NREP: variants seen among roughly 807,000 people sequenced by gnomAD.
NREP encodes the protein neuronal regeneration-related protein.
In NREP, 5 loss-of-function variants were observed where a neutral mutation model predicts 8.6. The ratio of observed to expected loss-of-function variants is 0.58; its 90% confidence interval spans 0.30 to 1.22. The LOEUF (loss-of-function observed/expected upper bound fraction) is 1.22, where lower values mean the gene tolerates loss of function less well. Ranked by LOEUF, NREP falls within the 50% of genes most tolerant of loss-of-function variation. The probability of loss-of-function intolerance (pLI) is 0.07; values close to 1 mark genes in which losing one functional copy is unlikely to be tolerated. For synonymous variants in NREP, 27 were observed against 28.0 expected (o/e 0.96, Z 0.11); for missense variants, 86 against 82.5 (o/e 1.04, Z -0.17).
At position 111,961,037 on chromosome 5, in the gene NREP, C is replaced by T. The variant is rs1200233398; in HGVS notation, c.135+14237G>A. Among the ~76,000 whole-genome samples, 5 of 152,174 alleles carry T rather than the reference C, an allele frequency of 3.3e-5. No individual in the cohort carries two copies. The East Asian group carries it at 9.6e-4, about 29-fold the overall frequency. ...GGCTTGGTCATATTTTAGATTTCTG[C>T]CCATTGACAAATTACTTTCCACTTC... On this transcript the variant is annotated intron_variant, in intron 2 of 3. Coordinates refer to the NREP transcript ENST00000395634.
chr5:111,768,405 G>A (rs1373864476), intron 2 of NREP, among the ~76,000 whole-genome samples: 4 of 152,164 alleles, frequency 2.6e-5, no homozygotes, highest in African/African-American at 9.7e-5. Flanking sequence ...ACATATGCAT[G>A]TTTGTTACCT....
Position 111,814,829 on chromosome 5 carries a change from G to C in NREP, c.136-79322C>G, listed in dbSNP as rs190273549. On this transcript the variant is annotated intron_variant, in intron 2 of 3. Transcript: ENST00000395634. Reference sequence around the variant, plus strand: ...AGAAACTGGTTGGTCTGGTAGTATTGGAATGCTATTGAATAGTTAGTAGGA... The same window carrying C: ...AGAAACTGGTTGGTCTGGTAGTATTCGAATGCTATTGAATAGTTAGTAGGA... 4.3e-4 allele frequency among the ~76,000 whole-genome samples: 65 copies of C among 152,086 alleles called. 1 individual carries two copies. The Middle Eastern group carries it at 0.02, about 48-fold the overall frequency.
intron 2 of NREP, among the ~76,000 whole-genome samples, chr5:111,866,038 T>G (rs964967707): frequency 2.4e-4 from 37 of 152,216 alleles, no homozygotes; most frequent in Non-Finnish European, 4.7e-4. Context: ...AGCTCTCTTG[T>G]GGCTTTCTCT....
At chr5:111,782,214 T>C (rs1395877709) in intron 2 of NREP, among the ~76,000 whole-genome samples, 1 of 152,206 alleles carries the variant, frequency 6.6e-6, no homozygotes, top group Admixed American at 6.5e-5. Flanking sequence ...CACGTTCTCA[T>C]TTCCCTGGCT....
At chr5:111,830,229 T>C (rs1286186987) in intron 2 of NREP, among the ~76,000 whole-genome samples, 1 of 152,194 alleles carries the variant, frequency 6.6e-6, no homozygotes, top group African/African-American at 2.4e-5. Flanking sequence ...AAAGAATTCT[T>C]CTAATGTGGC....
intron 2 of NREP, among the ~76,000 whole-genome samples, chr5:111,841,188 G>C (rs1163230106): frequency 6.6e-6 from 1 of 152,152 alleles, no homozygotes; most frequent in African/African-American, 2.4e-5. Context: ...ATTCTGCTCA[G>C]ACTCTCTGAA....
chr5:111,911,819 T>C (rs1480471286), intron 2 of NREP, among the ~76,000 whole-genome samples: 25 of 152,034 alleles, frequency 1.6e-4, no homozygotes, highest in Non-Finnish European at 2.9e-5. Flanking sequence ...AAACCGAAAA[T>C]AATTTATACT....
chr5:111,810,512 A>C (rs1752246175), intron 2 of NREP, among the ~76,000 whole-genome samples: 1 of 152,202 alleles, frequency 6.6e-6, no homozygotes, highest in Admixed American at 6.5e-5. Flanking sequence ...ATTCAATTTG[A>C]GGTATCCTGA....
chr5:111,744,308 T>G (rs928338392), intron 2 of NREP, among the ~76,000 whole-genome samples: 8 of 152,138 alleles, frequency 5.3e-5, no homozygotes, highest in Non-Finnish European at 1.0e-4. Context: ...CAATAGCAAA[T>G]AGTATCATAA....
At chr5:111,865,094 T>A (rs1281366585) in intron 2 of NREP, among the ~76,000 whole-genome samples, 1 of 152,134 alleles carries the variant, frequency 6.6e-6, no homozygotes, top group African/African-American at 2.4e-5. Flanking sequence ...ATAGACAGCA[T>A]GCTCCTCTCC....
At position 111,970,378 on chromosome 5, in the gene NREP, G is replaced by C. The variant is rs563685001; in HGVS notation, c.135+4896C>G. ...ACAATATTACAGGCATTTGGTCAAC[G>C]TTCCTACAGGATTTACCTGTGCTGG... On this transcript the variant is annotated intron_variant, in intron 2 of 3. Transcript: ENST00000395634. Among the ~76,000 whole-genome samples the C allele has an allele frequency of 2.0e-5, 3 of 152,238 alleles. No individual in the cohort carries two copies. In the East Asian group the frequency reaches 5.8e-4, roughly 29 times the overall value.
chr5:111,903,929 G>C (rs1754713237), intron 2 of NREP, among the ~76,000 whole-genome samples: 1 of 152,066 alleles, frequency 6.6e-6, no homozygotes, highest in African/African-American at 2.4e-5. Context: ...CTTTTTTAGA[G>C]TCAAAAGTTT....
intron 2 of NREP, among the ~76,000 whole-genome samples, chr5:111,806,150 C>T (rs756858223): frequency 6.6e-6 from 1 of 152,090 alleles, no homozygotes; most frequent in East Asian, 1.9e-4. Flanking sequence ...AGGGGTTAGG[C>T]TTAGAAGAAC....
At chr5:111,881,303 T>A (rs1392291632) in intron 2 of NREP, among the ~76,000 whole-genome samples, 1 of 152,120 alleles carries the variant, frequency 6.6e-6, no homozygotes, top group Non-Finnish European at 1.5e-5. Context: ...CAGGCTTGCT[T>A]AGGTAAACAA....
intron 2 of NREP, among the ~76,000 whole-genome samples, chr5:111,973,845 G>T (rs952424287): frequency 1.3e-5 from 2 of 152,146 alleles, no homozygotes; most frequent in African/African-American, 4.8e-5. Flanking sequence ...TTGAATATAT[G>T]TTTACAGTTA....
At chr5:111,750,976 T>G (rs1287046971) in intron 2 of NREP, among the ~76,000 whole-genome samples, 1 of 152,200 alleles carries the variant, frequency 6.6e-6, no homozygotes, top group Non-Finnish European at 1.5e-5. Flanking sequence ...AAACTAAAAT[T>G]GCATTCATTT....
chr5:111,855,866 T>C (rs1430957771), intron 2 of NREP, among the ~76,000 whole-genome samples: 3 of 152,034 alleles, frequency 2.0e-5, no homozygotes, highest in Non-Finnish European at 4.4e-5. Flanking sequence ...CAAATGTAGC[T>C]TGGAGGGGGA....
intron 2 of NREP, among the ~76,000 whole-genome samples, chr5:111,743,292 C>T (rs927360087): frequency 3.3e-5 from 5 of 151,888 alleles, no homozygotes; most frequent in African/African-American, 1.2e-4. Flanking sequence ...CCTTTGTTAG[C>T]TTGCAGCAAA....
intron 2 of NREP, among the ~76,000 whole-genome samples, chr5:111,743,596 A>G (rs1749818422): frequency 6.6e-6 from 1 of 152,166 alleles, no homozygotes; most frequent in Non-Finnish European, 1.5e-5. Context: ...TACTAATTCT[A>G]TATTATGCCC....
Sources: gnomAD v4.1 joint callset for allele counts (sites outside exome capture counted in the v4.1 genomes callset) on GRCh38, gnomAD v4.1.1 for gene constraint, MANE v1.5 for transcripts, NCBI Gene and HGNC (gene_info 2026-07-23, HGNC 2026-07-21) for gene names.